Variants in SEMA3D observed in about 807,000 individuals in gnomAD.
SEMA3D encodes the protein semaphorin-3D.
Under a neutral mutation model 100.1 loss-of-function variants are expected in SEMA3D, and 84 were observed. That is an observed-to-expected ratio of 0.84 (90% CI 0.70 to 1.01). The LOEUF (loss-of-function observed/expected upper bound fraction) is 1.01. Among genes scored for constraint, SEMA3D ranks in the 50% least tolerant of loss-of-function variants. The probability of loss-of-function intolerance (pLI) is 0.00; values close to 1 mark genes in which losing one functional copy is unlikely to be tolerated. For synonymous variants in SEMA3D, 312 were observed against 320.7 expected (o/e 0.97, Z 0.29); for missense variants, 875 against 934.1 (o/e 0.94, Z 0.82).
chr7:85,180,389 C>A (rs1201294121), intron 1 of SEMA3D, among the ~76,000 whole-genome samples: 1 of 152,174 alleles, frequency 6.6e-6, no homozygotes, highest in Non-Finnish European at 1.5e-5. Context: ...GTCAACTAAA[C>A]CTCTTTCCTT....
intron 4 of SEMA3D, among the ~76,000 whole-genome samples, chr7:85,083,790 T>G: frequency 6.9e-6 from 1 of 144,624 alleles, no homozygotes; most frequent in South Asian, 2.2e-4. Flanking sequence ...GAGCTTGCAG[T>G]GAGCCGAGAT....
intron 2 of SEMA3D, among the ~76,000 whole-genome samples, chr7:85,144,905 A>T (rs989637743): frequency 6.6e-6 from 1 of 152,184 alleles, no homozygotes; most frequent in Non-Finnish European, 1.5e-5. Context: ...AGGAGAACAG[A>T]TAAGTTTCAG....
chr7:85,037,326 G>T (rs1259341623), intron 11 of SEMA3D, among the ~76,000 whole-genome samples: 4 of 152,096 alleles, frequency 2.6e-5, no homozygotes, highest in Non-Finnish European at 4.4e-5. Flanking sequence ...CATCTAAATT[G>T]GCACCTGATA....
chr7:85,014,270 G>A (rs1471013600), intron 16 of SEMA3D, among the ~76,000 whole-genome samples: 2 of 151,638 alleles, frequency 1.3e-5, no homozygotes, highest in South Asian at 2.1e-4. Context: ...AATATACTTC[G>A]AATACTTTAG....
the SEMA3D span, among the ~76,000 whole-genome samples, chr7:85,194,491 GA>G: frequency 1.9e-5 from 2 of 106,788 alleles, no homozygotes; most frequent in Non-Finnish European, 3.7e-5. Context: ...TTTGACTGTT[GA>G]TATGCAAACA....
At chr7:85,144,532 T>A (rs1010525932) in intron 2 of SEMA3D, 7 of 984,694 alleles carry the variant, frequency 7.1e-6, no homozygotes, top group Non-Finnish European at 8.4e-6. Context: ...TTATGCTTCA[T>A]GTAATAGAAA....
intron 8 of SEMA3D, among the ~76,000 whole-genome samples, chr7:85,059,333 A>G (rs1306532463): frequency 6.6e-6 from 1 of 152,234 alleles, no homozygotes; most frequent in African/African-American, 2.4e-5. Flanking sequence ...AATTAATAAT[A>G]AATTCTTAAG....
intron 3 of SEMA3D, among the ~76,000 whole-genome samples, chr7:85,118,491 GA>G (rs200424103): frequency 0.012 from 1,878 of 152,096 alleles, 41 homozygotes; most frequent in African/African-American, 0.042. Flanking sequence ...AAATTGTTGA[GA>G]TTTTTTTCTG....
At chr7:85,218,669 T>A in the SEMA3D span, among the ~76,000 whole-genome samples, 24,576 of 152,102 alleles carry the variant, frequency 0.16, 2,417 homozygotes, top group Non-Finnish European at 0.23. Context: ...ATTGGCCATT[T>A]ACTTTAAAGA....
intron 18 of SEMA3D, among the ~76,000 whole-genome samples, chr7:85,006,199 CTT>C (rs1418618700): frequency 1.3e-5 from 2 of 151,830 alleles, no homozygotes; most frequent in Non-Finnish European, 2.9e-5. Context: ...TTTATAGTAA[CTT>C]TTGAATTTAT....
intron 2 of SEMA3D, among the ~76,000 whole-genome samples, chr7:85,145,608 T>G (rs367916867): frequency 6.6e-6 from 1 of 151,774 alleles, no homozygotes; most frequent in Non-Finnish European, 1.5e-5. Context: ...GATGATAGAG[T>G]ATGTTTAATA....
At chr7:85,127,348 G>C (rs1789595834) in intron 2 of SEMA3D, among the ~76,000 whole-genome samples, 1 of 152,064 alleles carries the variant, frequency 6.6e-6, no homozygotes, top group Non-Finnish European at 1.5e-5. Flanking sequence ...TATAATCCCT[G>C]TTCAACAAAG....
intron 2 of SEMA3D, among the ~76,000 whole-genome samples, chr7:85,131,634 A>T (rs190154550): frequency 6.6e-6 from 1 of 152,094 alleles, no homozygotes; most frequent in East Asian, 1.9e-4. Context: ...AAAGGGGAAA[A>T]CAAATTTTAA....
chr7:85,091,823 T>C (rs1379268145), intron 4 of SEMA3D, among the ~76,000 whole-genome samples: 1 of 152,110 alleles, frequency 6.6e-6, no homozygotes, highest in Admixed American at 6.6e-5. Context: ...CTATTCACAG[T>C]TGGCCACCTT....
chr7:85,179,350 T>A (rs1007397104), intron 1 of SEMA3D, among the ~76,000 whole-genome samples: 1 of 152,126 alleles, frequency 6.6e-6, no homozygotes, highest in African/African-American at 2.4e-5. Context: ...GGCTGTACCT[T>A]GCAAAGCCAC....
intron 1 of SEMA3D, among the ~76,000 whole-genome samples, chr7:85,163,379 C>T (rs1005179581): frequency 6.6e-6 from 1 of 151,604 alleles, no homozygotes; most frequent in Non-Finnish European, 1.5e-5. Context: ...TGCTTGTCAC[C>T]AGAGTGAACA....
At chr7:85,242,349 A>G in the SEMA3D span, among the ~76,000 whole-genome samples, 44 of 152,238 alleles carry the variant, frequency 2.9e-4, no homozygotes, top group South Asian at 1.9e-3. Flanking sequence ...TGCATTTCAC[A>G]AATTTTGATA....
At chr7:85,103,441 G>T (rs1197724168) in intron 3 of SEMA3D, among the ~76,000 whole-genome samples, 1 of 151,916 alleles carries the variant, frequency 6.6e-6, no homozygotes, top group East Asian at 1.9e-4. Flanking sequence ...CAGGAACTTT[G>T]TTTTTTTATT....
intron 3 of SEMA3D, among the ~76,000 whole-genome samples, chr7:85,104,204 A>G (rs1376280892): frequency 6.6e-6 from 1 of 152,076 alleles, no homozygotes. Context: ...CTGGAAAGAC[A>G]TTGATTACAA....
Sources: gnomAD v4.1 joint callset for allele counts (sites outside exome capture counted in the v4.1 genomes callset) on GRCh38, gnomAD v4.1.1 for gene constraint, MANE v1.5 for transcripts, NCBI Gene and HGNC (gene_info 2026-07-23, HGNC 2026-07-21) for gene names.